Variants in NRG3 observed in about 807,000 individuals in gnomAD.
NRG3 encodes neuregulin 3, also known as pro-neuregulin-3, membrane-bound isoform.
NRG3 carries 31 observed loss-of-function variants against 66.9 expected under a neutral mutation model. That is an observed-to-expected ratio of 0.46 (90% CI 0.35 to 0.63). The LOEUF (loss-of-function observed/expected upper bound fraction) is 0.63. Among genes scored for constraint, NRG3 ranks in the 20% least tolerant of loss-of-function variants. The pLI is 0.00. For missense variants in NRG3, 910 were observed against 878.9 expected, an observed-to-expected ratio of 1.04 and a Z score of -0.45; for synonymous variants, 393 against 359.4, an observed-to-expected ratio of 1.09 and a Z score of -1.06.
At chr10:82,196,493 A>G (rs1177121674) in intron 1 of NRG3, among the ~76,000 whole-genome samples, 1 of 152,206 alleles carries the variant, frequency 6.6e-6, no homozygotes, top group African/African-American at 2.4e-5. Context: ...TGTGGCATTC[A>G]TTACACAACC....
At position 81,894,114 on chromosome 10, in the gene NRG3, G is replaced by C. The variant is rs138535782; in HGVS notation, c.823+17951G>C. ...CCAGCAGTTTGGGAGACCGAGGCAG[G>C]CAGATCACTTGAGGTTAGGAGTTTA... On this transcript the variant is annotated intron_variant, in intron 1 of 8. Transcript: ENST00000372141. 5.8e-3 allele frequency among the ~76,000 whole-genome samples: 879 copies of C among 152,282 alleles called. 5 individuals are homozygous for C. The highest frequency in any genetic ancestry group is 0.017 in the African/African-American group (727 of 41,564).
chr10:82,186,204 A>G (rs1312463362), intron 1 of NRG3, among the ~76,000 whole-genome samples: 1 of 152,174 alleles, frequency 6.6e-6, no homozygotes, highest in East Asian at 1.9e-4. Flanking sequence ...TAAAAAGCAG[A>G]TAATATCTTA....
chr10:82,791,318 T>G (rs1414335), intron 3 of NRG3, among the ~76,000 whole-genome samples: 4,752 of 152,188 alleles, frequency 0.031, 212 homozygotes, highest in African/African-American at 0.1. Flanking sequence ...TTGGTTTTTT[T>G]TTCATTTTTG....
At chr10:82,627,178 C>T (rs1410802878) in intron 2 of NRG3, among the ~76,000 whole-genome samples, 13 of 152,018 alleles carry the variant, frequency 8.6e-5, no homozygotes, top group Non-Finnish European at 1.9e-4. Flanking sequence ...AGTGTGCCTC[C>T]ATCCGTAGAC....
chr10:81,959,679 T>A (rs967824693), intron 1 of NRG3, among the ~76,000 whole-genome samples: 1 of 152,164 alleles, frequency 6.6e-6, no homozygotes, highest in Non-Finnish European at 1.5e-5. Context: ...CTTCATTTTT[T>A]TTTTAGAGAT....
At chr10:82,413,549 G>A (rs1308920224) in intron 2 of NRG3, among the ~76,000 whole-genome samples, 1 of 152,076 alleles carries the variant, frequency 6.6e-6, no homozygotes, top group African/African-American at 2.4e-5. Flanking sequence ...AAAGTAACCA[G>A]CTGCATTATG....
chr10:82,969,773 T>C (rs1049508903), intron 6 of NRG3, among the ~76,000 whole-genome samples: 1 of 152,232 alleles, frequency 6.6e-6, no homozygotes, highest in African/African-American at 2.4e-5. Context: ...TAGTTAATAA[T>C]TTCTTTTAAC....
At chr10:82,212,803 G>T (rs1179442986) in intron 1 of NRG3, among the ~76,000 whole-genome samples, 4 of 152,194 alleles carry the variant, frequency 2.6e-5, no homozygotes, top group South Asian at 2.1e-4. Context: ...AATTATATAT[G>T]CATGGCAGAT....
chr10:82,683,730 G>A (rs2054289887), intron 2 of NRG3, among the ~76,000 whole-genome samples: 1 of 152,170 alleles, frequency 6.6e-6, no homozygotes, highest in African/African-American at 2.4e-5. Flanking sequence ...TGAAATATGT[G>A]TGCTCATATA....
At chr10:82,539,624 T>TTTTTTG (rs550817717) in intron 2 of NRG3, among the ~76,000 whole-genome samples, 9 of 152,016 alleles carry the variant, frequency 5.9e-5, no homozygotes, top group Non-Finnish European at 7.4e-5. Flanking sequence ...ACTGCCGTTT[T>TTTTTTG]TTTTTGTTTT....
chr10:81,984,955 A>G (rs971595962), intron 1 of NRG3, among the ~76,000 whole-genome samples: 1 of 152,340 alleles, frequency 6.6e-6, no homozygotes, highest in South Asian at 2.1e-4. Flanking sequence ...CATAAATAGC[A>G]AAGGCTTTAG....
chr10:82,055,056 G>T (rs1589935563), intron 1 of NRG3, among the ~76,000 whole-genome samples: 1 of 86,564 alleles, frequency 1.2e-5, no homozygotes, highest in South Asian at 2.7e-4. Context: ...GAAGGGAAAA[G>T]AAGAAAGAAA....
intron 2 of NRG3, among the ~76,000 whole-genome samples, chr10:82,479,514 A>G (rs1252871310): frequency 7.6e-6 from 1 of 132,008 alleles, no homozygotes; most frequent in East Asian, 2.2e-4. Flanking sequence ...AAAAAAAAAA[A>G]CAGCTGGGCG....
intron 1 of NRG3, among the ~76,000 whole-genome samples, chr10:81,880,825 G>T (rs959742314): frequency 1.3e-5 from 2 of 152,152 alleles, no homozygotes; most frequent in South Asian, 2.1e-4. Flanking sequence ...TTTCTTTCTA[G>T]CTGTTTTTAT....
intron 1 of NRG3, among the ~76,000 whole-genome samples, chr10:82,207,298 A>G (rs2075167279): frequency 6.6e-6 from 1 of 152,196 alleles, no homozygotes; most frequent in South Asian, 2.1e-4. Context: ...AAATCCCAAA[A>G]TCCAAAGGGA....
chr10:82,501,287 A>G (rs539762624), intron 2 of NRG3, among the ~76,000 whole-genome samples: 7 of 152,280 alleles, frequency 4.6e-5, no homozygotes, highest in African/African-American at 1.2e-4. Flanking sequence ...TTCACCTCCT[A>G]CTATGACCCT....
intron 1 of NRG3, among the ~76,000 whole-genome samples, chr10:82,336,578 A>G (rs1192598064): frequency 6.9e-6 from 1 of 145,962 alleles, no homozygotes; most frequent in Non-Finnish European, 1.5e-5. Context: ...GCTGGAATGC[A>G]GTGGTGCAGT....
chr10:82,034,826 C>G (rs2062726273), intron 1 of NRG3, among the ~76,000 whole-genome samples: 1 of 152,182 alleles, frequency 6.6e-6, no homozygotes, highest in East Asian at 1.9e-4. Flanking sequence ...AGCAGAGGCT[C>G]TGCTCTGACT....
intron 2 of NRG3, among the ~76,000 whole-genome samples, chr10:82,408,953 A>T (rs2087833055): frequency 6.6e-6 from 1 of 152,196 alleles, no homozygotes; most frequent in Non-Finnish European, 1.5e-5. Flanking sequence ...GTGACTATAT[A>T]TAATGCCATA....
Sources: allele counts gnomAD v4.1 joint callset (sites outside exome capture counted in the v4.1 genomes callset), GRCh38; gene constraint gnomAD v4.1.1; transcripts MANE v1.5; gene names NCBI Gene and HGNC (gene_info 2026-07-23, HGNC 2026-07-21).